Variants in TSC2 observed in about 807,000 individuals in gnomAD.
TSC2 encodes TSC complex subunit 2.
A neutral mutation model predicts 202.2 loss-of-function variants in TSC2; 29 were observed. The observed-to-expected ratio is 0.14, with a 90% CI of 0.11 to 0.20. The LOEUF (loss-of-function observed/expected upper bound fraction) is 0.20, where lower values mean the gene tolerates loss of function less well. Among genes scored for constraint, TSC2 ranks in the 10% least tolerant of loss-of-function variants. The pLI is 1.00. For synonymous variants in TSC2, 1,349 were observed against 1,044.0 expected (o/e 1.29, Z -5.63); for missense variants, 2,429 against 2,420.0 (o/e 1.00, Z -0.08).
In TSC2 at chr16:2,056,170, G is replaced by A. The variant is rs371474410; in HGVS notation, c.600-26G>A. On this transcript the variant is annotated intron_variant, in intron 6 of 41. Transcript: ENST00000219476. ...GCTCGGCCATCCAGGCAGTGCTGCC[G>A]GGACTGAGCTCGGTGCTCCCTGCAG... 151 of 1,613,328 alleles carry A rather than the reference G, an allele frequency of 9.4e-5. No homozygotes were observed. The East Asian group carries it at 2.8e-3, about 30-fold the overall frequency.
Position 2,082,956 on chromosome 16 carries a change from C to T in TSC2, c.3883+452C>T, listed in dbSNP as rs982662381. 1.1e-3 allele frequency: 420 copies of T among 375,714 alleles called. 4 individuals carry two copies. The highest frequency in any genetic ancestry group is 4.3e-4 in the Non-Finnish European group (81 of 187,992). The allele number at this position is 375,714 out of a possible 1,614,324, so 23.3% of individuals were successfully genotyped here. On this transcript the variant is annotated intron_variant, in intron 32 of 41. Coordinates refer to ENST00000219476, the MANE Select transcript of TSC2 (RefSeq NM_000548.5). ...CAGGTTGACCAGGGGCCCTGCAGAC[C>T]GACCTCTGCCTGTTGCCCCCAAGCC... is the stretch of plus-strand genomic sequence containing the variant.
At chr16:2,061,666 T>A in intron 11 of TSC2, 1 of 765,278 alleles carries the variant, frequency 1.3e-6, no homozygotes, top group South Asian at 1.6e-5. Context: ...TGGGTCAGGG[T>A]GGCCCCTGGA....
chr16:2,050,825 G>A (rs2085021676), intron 3 of TSC2, among the ~76,000 whole-genome samples: 1 of 151,762 alleles, frequency 6.6e-6, no homozygotes, highest in Non-Finnish European at 1.5e-5. Context: ...CTGACCTCGT[G>A]AACCATATGC....
chr16:2,083,649 G>C (rs1186668721), intron 32 of TSC2, 46 bp from the exon 33 acceptor site: 1 of 1,556,108 alleles, frequency 6.4e-7, no homozygotes. Flanking sequence ...CAGGGCCAGG[G>C]CCTGGCCCAG....
Position 2,088,615 on chromosome 16 carries a change from G to T in TSC2, c.*5G>T, listed in dbSNP as rs201342697. On this transcript the variant is annotated 3_prime_UTR_variant, in exon 42 of 42. Transcript: ENST00000219476. ...GACTTCACCGAGTTTGTGTGAGGCC[G>T]GGGCCCTCCCTCCTGCACTGGCCTT... The T allele has an allele frequency of 2.5e-6, 4 of 1,600,050 alleles. No homozygotes were observed. The highest frequency in any genetic ancestry group is 1.1e-5 in the South Asian group (1 of 90,794).
At chr16:2,056,371 G>C (rs1207851650) in intron 7 of TSC2, 127 bp downstream of exon 7, 10 of 1,322,380 alleles carry the variant, frequency 7.6e-6, no homozygotes, top group South Asian at 7.4e-5. Context: ...CGGTCTCTCT[G>C]AGCCTCAGGA....
intron 16 of TSC2, among the ~76,000 whole-genome samples, chr16:2,067,964 T>C (rs2087636131): frequency 1.3e-5 from 2 of 152,206 alleles, no homozygotes; most frequent in South Asian, 2.1e-4. Context: ...ACTCCAGCCC[T>C]GGAGGCCTGA....
intron 8 of TSC2, 86 bp from the exon 9 acceptor site, chr16:2,057,019 C>A: frequency 6.6e-7 from 1 of 1,517,772 alleles, no homozygotes; most frequent in Non-Finnish European, 8.9e-7. Context: ...GGCTATAGGG[C>A]AGCAGCCAGG....
chr16:2,051,107 C>G (rs189369498), intron 3 of TSC2, among the ~76,000 whole-genome samples: 70 of 151,258 alleles, frequency 4.6e-4, no homozygotes, highest in Admixed American at 3.0e-3. Flanking sequence ...GGGTGGATCA[C>G]GAGGTCAGGA....
At chr16:2,082,382 C>T in intron 31 of TSC2, 54 bp from the exon 32 acceptor site, 1 of 1,596,808 alleles carries the variant, frequency 6.3e-7, no homozygotes, top group South Asian at 1.1e-5. Context: ...TCTGCTCGAC[C>T]TGTGTGTAGC....
chr16:2,061,220 C>T, intron 11 of TSC2: 1 of 322,060 alleles, frequency 3.1e-6, no homozygotes, highest in Non-Finnish European at 6.1e-6. Context: ...TCCACGGCCA[C>T]ACGGGCTCAT....
intron 37 of TSC2, 68 bp downstream of exon 37, chr16:2,086,447 T>C: frequency 6.4e-7 from 1 of 1,570,608 alleles, no homozygotes; most frequent in Non-Finnish European, 8.6e-7. Flanking sequence ...CCAGTCCTGC[T>C]ACCCCACGCC....
intron 17 of TSC2, 78 bp downstream of exon 17, chr16:2,070,656 A>C: frequency 6.2e-7 from 1 of 1,604,236 alleles, no homozygotes; most frequent in Non-Finnish European, 8.5e-7. Flanking sequence ...TGGTTCCTGG[A>C]AGCTGCAGAG....
At chr16:2,087,283 G>A (rs945250393) in intron 38 of TSC2, 3 of 353,282 alleles carry the variant, frequency 8.5e-6, no homozygotes, top group African/African-American at 2.1e-5. Flanking sequence ...GTCGGCCAGT[G>A]TCACAGCACG....
At chr16:2,070,233 T>C (rs556418341) in intron 16 of TSC2, among the ~76,000 whole-genome samples, 21 of 152,330 alleles carry the variant, frequency 1.4e-4, no homozygotes, top group African/African-American at 4.8e-4. Context: ...GGACTCTTCC[T>C]CACCTGTTGA....
rs917385009 is a variant in TSC2 at position 2,053,286 on chromosome 16, G to A, written c.226-56G>A. 3.8e-5 allele frequency: 58 copies of A among 1,528,600 alleles called. No homozygotes were observed. The Admixed American group carries it at 4.3e-4, about 11-fold the overall frequency. The allele number at this position is 1,528,600 out of a possible 1,614,324, so 94.7% of individuals were successfully genotyped here. A position where few individuals can be genotyped will look rare whatever the true frequency, so the allele number is the denominator to read the frequency against. On this transcript the variant is annotated intron_variant, in intron 3 of 41. Transcript: ENST00000219476. ...CGCTCACGGCACTGCTCCAGTTGCC[G>A]GGGCCAGGGTTCTTGGAGAGCACAT...
chr16:2,078,601 GCC>G, intron 26 of TSC2: 1 of 272,006 alleles, frequency 3.7e-6, no homozygotes. Flanking sequence ...CCGCTCGCCT[GCC>G]TGAGGGTGAC....
At chr16:2,052,493 C>G (rs569711058) in intron 3 of TSC2, among the ~76,000 whole-genome samples, 6 of 152,064 alleles carry the variant, frequency 3.9e-5, no homozygotes, top group Non-Finnish European at 7.3e-5. Context: ...TATTTTTTGT[C>G]GTGACAGGGT....
Position 2,084,548 on chromosome 16 carries a change from G to A in TSC2, c.4326G>A (p.Glu1442=). Residue 1442 remains glutamate (E), a synonymous_variant, in exon 34 of 42, where the codon GAG becomes GAA. Transcript: ENST00000219476. The part of the protein sequence containing the change: ...ASGEDSRGQP[E]GPLPSSSPRS... The stretch of plus-strand genomic sequence containing the variant: ...GCGAAGACAGTCGGGGCCAGCCCGA[G>A]GGTCCCTTGCCTTCCAGCTCCCCCC... 1 of 1,609,198 alleles carries A rather than the reference G, an allele frequency of 6.2e-7. No homozygotes were observed. The highest frequency in any genetic ancestry group is 8.5e-7 in the Non-Finnish European group (1 of 1,179,486).
Sources: allele counts gnomAD v4.1 joint callset (sites outside exome capture counted in the v4.1 genomes callset), GRCh38; gene constraint gnomAD v4.1.1; transcripts MANE v1.5; gene names NCBI Gene and HGNC (gene_info 2026-07-23, HGNC 2026-07-21).